RUNDC3B: variants seen among roughly 807,000 people sequenced by gnomAD.
RUNDC3B encodes the protein RUN domain-containing protein 3B.
In RUNDC3B, 33 loss-of-function variants were observed where a neutral mutation model predicts 58.4. The ratio of observed to expected loss-of-function variants is 0.56; its 90% confidence interval spans 0.43 to 0.75. The LOEUF is 0.75. Among genes scored for constraint, RUNDC3B ranks in the 30% least tolerant of loss-of-function variants. The pLI is 0.00. For missense variants in RUNDC3B, 501 were observed against 535.7 expected, an observed-to-expected ratio of 0.94 and a Z score of 0.64; for synonymous variants, 193 against 195.2, an observed-to-expected ratio of 0.99 and a Z score of 0.10.
chr7:87,765,837 GA>G (rs1833948767), intron 6 of RUNDC3B, among the ~76,000 whole-genome samples: 1 of 151,894 alleles, frequency 6.6e-6, no homozygotes, highest in African/African-American at 2.4e-5. Context: ...TTTAAGTCCA[GA>G]GTATTTTTTT....
chr7:87,770,455 A>T, intron 6 of RUNDC3B, 126 bp from the exon 7 acceptor site: 1 of 748,646 alleles, frequency 1.3e-6, no homozygotes, highest in Non-Finnish European at 2.2e-6. Context: ...TTATAATATC[A>T]TTATAATTTT....
intron 8 of RUNDC3B, among the ~76,000 whole-genome samples, chr7:87,793,325 C>G (rs556339317): frequency 6.6e-6 from 1 of 152,134 alleles, no homozygotes; most frequent in South Asian, 2.1e-4. Context: ...GGAATGAATA[C>G]TTCCAAATTC....
intron 8 of RUNDC3B, among the ~76,000 whole-genome samples, chr7:87,787,086 A>T (rs1835260960): frequency 6.6e-6 from 1 of 152,174 alleles, no homozygotes; most frequent in Non-Finnish European, 1.5e-5. Flanking sequence ...AGATTCTTTC[A>T]TACAAAAACC....
chr7:87,702,423 G>A (rs1447943497), intron 3 of RUNDC3B, among the ~76,000 whole-genome samples: 2 of 151,686 alleles, frequency 1.3e-5, no homozygotes, highest in Admixed American at 6.6e-5. Flanking sequence ...GGACTACAGG[G>A]GCATGCCACC....
chr7:87,732,805 A>C (rs971644778), intron 4 of RUNDC3B, among the ~76,000 whole-genome samples: 2 of 152,212 alleles, frequency 1.3e-5, no homozygotes, highest in Admixed American at 6.5e-5. Context: ...TTAACATAAC[A>C]TTTGTATGTA....
chr7:87,750,533 A>G (rs1276510257), intron 6 of RUNDC3B, among the ~76,000 whole-genome samples: 5 of 152,176 alleles, frequency 3.3e-5, no homozygotes, highest in African/African-American at 1.2e-4. Context: ...CATCCTCTCC[A>G]GCGCCTGTTG....
Position 87,777,919 on chromosome 7 carries a change from A to C in RUNDC3B, c.920A>C (p.Gln307Pro), listed in dbSNP as rs1834727227. 1.2e-6 allele frequency: 2 copies of C among 1,613,768 alleles called. No homozygotes were observed. The highest frequency in any genetic ancestry group is 1.1e-5 in the South Asian group (1 of 91,068). ...SDLAHKLEKE[Q>P]LEYIIVELQD... Reference sequence around the variant, plus strand: ...CTGGCTCATAAACTGGAGAAGGAACAATTAGAATATATAATTGTGGAGCTT... The same window carrying C: ...CTGGCTCATAAACTGGAGAAGGAACCATTAGAATATATAATTGTGGAGCTT... The change falls in exon 8 of 11, where the codon CAA becomes CCA. Residue 307 changes from glutamine (Q) to proline (P), a missense_variant. Physicochemically the swap from Gln to Pro is moderately conservative, Grantham distance 76. Transcript: ENST00000394654.
At chr7:87,652,356 GC>G (rs1823658934) in intron 2 of RUNDC3B, among the ~76,000 whole-genome samples, 1 of 151,976 alleles carries the variant, frequency 6.6e-6, no homozygotes, top group African/African-American at 2.4e-5. Context: ...GATGCCTCCT[GC>G]GCACTAATCT....
At chr7:87,788,789 A>T (rs1444779703) in intron 8 of RUNDC3B, among the ~76,000 whole-genome samples, 1 of 148,500 alleles carries the variant, frequency 6.7e-6, no homozygotes, top group Non-Finnish European at 1.5e-5. Flanking sequence ...TTAGTTACAT[A>T]TGTATACATG....
At position 87,812,564 on chromosome 7, in the gene RUNDC3B, G is replaced by A. The variant is rs192987310; in HGVS notation, c.1104-3577G>A. Among the ~76,000 whole-genome samples the A allele has an allele frequency of 2.9e-3, 443 of 152,216 alleles. 3 individuals are homozygous for A. The highest frequency in any genetic ancestry group is 7.6e-3 in the African/African-American group (317 of 41,542). On this transcript the variant is annotated intron_variant, in intron 9 of 10. Coordinates refer to ENST00000394654, the MANE Select transcript of RUNDC3B (RefSeq NM_001134405.2). ...GCAGAGGTTGCAGTGAACCAAGATCGTGCCATTGCACTCTAGCCTGGGCAA... is the reference window on the plus strand; with the variant it reads ...GCAGAGGTTGCAGTGAACCAAGATCATGCCATTGCACTCTAGCCTGGGCAA...
intron 8 of RUNDC3B, among the ~76,000 whole-genome samples, chr7:87,794,540 A>G (rs1835705232): frequency 1.3e-5 from 2 of 152,220 alleles, no homozygotes; most frequent in East Asian, 3.9e-4. Context: ...GATAATCAAT[A>G]TTATTAAAAT....
intron 10 of RUNDC3B, among the ~76,000 whole-genome samples, chr7:87,827,475 A>T (rs1837880411): frequency 1.3e-5 from 2 of 152,198 alleles, no homozygotes. Context: ...TGCTAGAGTG[A>T]GACTCTGTCT....
intron 6 of RUNDC3B, among the ~76,000 whole-genome samples, chr7:87,763,067 T>A (rs773145652): frequency 6.6e-6 from 1 of 151,562 alleles, no homozygotes; most frequent in Non-Finnish European, 1.5e-5. Flanking sequence ...TTTATTCCTC[T>A]ACCAGTTTAA....
intron 6 of RUNDC3B, among the ~76,000 whole-genome samples, chr7:87,749,906 T>G (rs1169276779): frequency 6.6e-6 from 1 of 151,980 alleles, no homozygotes; most frequent in African/African-American, 2.4e-5. Flanking sequence ...ACTTTAAGTT[T>G]TAGGGTACAT....
Position 87,753,618 on chromosome 7 carries a change from C to T in RUNDC3B, c.629+12039C>T, listed in dbSNP as rs564730042. On this transcript the variant is annotated intron_variant, in intron 6 of 10. Transcript: ENST00000394654. The stretch of plus-strand genomic sequence containing the variant: ...TCTTCTTGTTGAATTGATCCCTTTA[C>T]CGTTATGTAATGGCCTTCTTTGTAG... Among the ~76,000 whole-genome samples, 28 of 152,286 alleles carry T rather than the reference C, an allele frequency of 1.8e-4. No individual in the cohort carries two copies. In the South Asian group the frequency reaches 5.8e-3, roughly 32 times the overall value.
intron 6 of RUNDC3B, among the ~76,000 whole-genome samples, chr7:87,760,772 C>T (rs1414467984): frequency 1.3e-5 from 2 of 151,932 alleles, no homozygotes; most frequent in Admixed American, 6.6e-5. Context: ...ACTGACTATC[C>T]ACATGCAAAT....
intron 6 of RUNDC3B, among the ~76,000 whole-genome samples, chr7:87,760,061 A>G (rs551262384): frequency 1.3e-5 from 2 of 150,016 alleles, no homozygotes; most frequent in Non-Finnish European, 3.0e-5. Flanking sequence ...TTGTTCTGTG[A>G]TACAGGGGTT....
At chr7:87,823,789 TATACACACACAC>T (rs1171081634) in intron 10 of RUNDC3B, among the ~76,000 whole-genome samples, 8 of 147,772 alleles carry the variant, frequency 5.4e-5, no homozygotes, top group Non-Finnish European at 1.2e-4. Flanking sequence ...ATTTCATATA[TATACACACACAC>T]ACACACACAC....
At chr7:87,713,492 T>C (rs1830275181) in intron 4 of RUNDC3B, among the ~76,000 whole-genome samples, 1 of 152,066 alleles carries the variant, frequency 6.6e-6, no homozygotes, top group African/African-American at 2.4e-5. Context: ...ATGTGTGATC[T>C]TTTTGCTAAG....
Sources: allele counts gnomAD v4.1 joint callset (sites outside exome capture counted in the v4.1 genomes callset), GRCh38; gene constraint gnomAD v4.1.1; transcripts MANE v1.5; gene names NCBI Gene and HGNC (gene_info 2026-07-23, HGNC 2026-07-21).